The following GSN variants were observed in gnomAD, a reference collection of about 807,000 sequenced individuals.
GSN encodes the protein actin-depolymerizing factor.
GSN carries 56 observed loss-of-function variants against 85.7 expected under a neutral mutation model. The observed-to-expected ratio is 0.65, with a 90% CI of 0.53 to 0.82. The LOEUF is 0.82. GSN is among the 40% of genes least tolerant of loss of function. The probability of loss-of-function intolerance (pLI) is 0.00; values close to 1 mark genes in which losing one functional copy is unlikely to be tolerated. For synonymous variants in GSN, 373 were observed against 399.1 expected, an observed-to-expected ratio of 0.93 and a Z score of 0.78; for missense variants, 857 against 979.8, an observed-to-expected ratio of 0.87 and a Z score of 1.67.
At chr9:121,216,628 C>T (rs941064394) in intron 4 of GSN, among the ~76,000 whole-genome samples, 2 of 152,240 alleles carry the variant, frequency 1.3e-5, no homozygotes, top group African/African-American at 2.4e-5. Flanking sequence ...CTCCTACCCC[C>T]AGGTTCCGTA....
intron 4 of GSN, among the ~76,000 whole-genome samples, chr9:121,224,350 C>T (rs1365136479): frequency 6.6e-6 from 1 of 152,144 alleles, no homozygotes; most frequent in Non-Finnish European, 1.5e-5. Context: ...CTGCCTGCCT[C>T]GGCCTCCCAA....
rs869071386 is a variant in GSN at position 121,228,424 on chromosome 9, ATTTTTTTTT to A, written c.-527-2722_-527-2714del. 2.8e-3 allele frequency among the ~76,000 whole-genome samples: 133 copies of A among 48,092 alleles called. 3 individuals carry two copies. The highest frequency in any genetic ancestry group is 0.01 in the African/African-American group (116 of 11,588). 31.6% of individuals were successfully genotyped at this position (48,092 alleles called of 152,430 possible). On this transcript the variant is annotated intron_variant, in intron 4 of 24. Coordinates refer to the GSN transcript ENST00000373823. ...TTAACATATATATATATATATATAT[ATTTTTTTTT>A]TTTTTTTTTTTTTTTTTTGAGATAG... is the stretch of plus-strand genomic sequence containing the variant.
At chr9:121,301,835 C>T in intron 2 of GSN, 128 bp from the exon 3 acceptor site, 1 of 1,485,706 alleles carries the variant, frequency 6.7e-7, no homozygotes, top group Non-Finnish European at 9.2e-7. Flanking sequence ...ATAGACTTCC[C>T]TGGGGCGTGG....
chr9:121,255,362 TG>T (rs1293875406), intron 6 of GSN, among the ~76,000 whole-genome samples: 1 of 152,170 alleles, frequency 6.6e-6, no homozygotes, highest in African/African-American at 2.4e-5. Context: ...ACCTAGTCCC[TG>T]GGTATCTGGG....
chr9:121,322,945 C>A (rs2062671009), intron 11 of GSN, among the ~76,000 whole-genome samples: 1 of 151,586 alleles, frequency 6.6e-6, no homozygotes, highest in African/African-American at 2.4e-5. Flanking sequence ...AATTATCGTG[C>A]CTCAGCCTCC....
chr9:121,225,931 A>T (rs2132130064), intron 4 of GSN, among the ~76,000 whole-genome samples: 1 of 152,282 alleles, frequency 6.6e-6, no homozygotes, highest in East Asian at 1.9e-4. Context: ...TAGCCTCCCA[A>T]GTAGCTGGGA....
chr9:121,325,318 G>C (rs998301891), intron 12 of GSN, among the ~76,000 whole-genome samples: 2 of 152,230 alleles, frequency 1.3e-5, no homozygotes, highest in African/African-American at 2.4e-5. Context: ...CCTGATGCAC[G>C]TGTAGGAGTT....
At chr9:121,285,992 A>C (rs2058021409) in intron 2 of GSN, 1 of 795,054 alleles carries the variant, frequency 1.3e-6, no homozygotes, top group Admixed American at 2.1e-5. Flanking sequence ...GTTGAGGAGA[A>C]GAACCATTTC....
Position 121,313,980 on chromosome 9 carries a change from C to T in GSN, c.710C>T (p.Ala237Val), listed in dbSNP as rs780252276. 2.5e-5 allele frequency: 40 copies of T among 1,614,196 alleles called. No individual in the cohort carries two copies. The East Asian group carries it at 8.9e-4, about 36-fold the overall frequency. The change falls in exon 7 of 18, where the codon GCC becomes GTC. Residue 237 changes from alanine to valine, a missense_variant. Physicochemically the swap from Ala to Val is moderately conservative, Grantham distance 64 (BLOSUM62 0). Coordinates refer to ENST00000432226, the MANE Select transcript of GSN (RefSeq NM_198252.3). ...CTGCCTGCAGGTACCGAGGACACCG[C>T]CAAGGAGGATGCGGCCAACCGCAAG... is the stretch of plus-strand genomic sequence containing the variant. ...PALPAGTEDT[A>V]KEDAANRKLA...
At chr9:121,250,410 T>C (rs1588480926) in intron 6 of GSN, among the ~76,000 whole-genome samples, 2 of 152,164 alleles carry the variant, frequency 1.3e-5, no homozygotes, top group Admixed American at 6.5e-5. Flanking sequence ...TTCACCATGT[T>C]GGCCAGGCTG....
Position 121,312,330 on chromosome 9 carries a change from G to A in GSN, c.514-9G>A, listed in dbSNP as rs2061245680. ...CGGGGCACTGACTTCCTGGGTCTCT[G>A]TCTTCCAGAACATCCACCAGTGGTG... On this transcript the variant is annotated splice_polypyrimidine_tract_variant and intron_variant, in intron 5 of 17. Transcript: ENST00000432226. The A allele has an allele frequency of 6.2e-7, 1 of 1,614,112 alleles. No individual in the cohort carries two copies. Among genetic ancestry groups the A allele is most frequent in the South Asian group, 1.1e-5 (1 of 91,076 alleles).
At chr9:121,287,703 A>T (rs867420965) in intron 2 of GSN, among the ~76,000 whole-genome samples, 37 of 149,728 alleles carry the variant, frequency 2.5e-4, no homozygotes, top group Admixed American at 7.3e-4. Context: ...TTTTTTTTTT[A>T]AAAACAGCTT....
chr9:121,232,651 A>C (rs2054415450), intron 5 of GSN, among the ~76,000 whole-genome samples: 1 of 152,266 alleles, frequency 6.6e-6, no homozygotes, highest in Non-Finnish European at 1.5e-5. Flanking sequence ...AATATTGTAC[A>C]GCAGATCTAT....
At chr9:121,263,257 G>A (rs180938179), upstream of GSN, among the ~76,000 whole-genome samples, 9 of 152,292 alleles carry the variant, frequency 5.9e-5, no homozygotes, top group East Asian at 1.7e-3. Flanking sequence ...GGAGTTGCGA[G>A]TAGAAATGCA....
At chr9:121,298,268 G>A (rs1208688596) in intron 2 of GSN, among the ~76,000 whole-genome samples, 1 of 152,140 alleles carries the variant, frequency 6.6e-6, no homozygotes, top group Middle Eastern at 3.2e-3. Flanking sequence ...TTGCCTATGC[G>A]TCCCCTCCCC....
At chr9:121,209,991 C>T (rs911052453) in intron 2 of GSN, among the ~76,000 whole-genome samples, 2 of 152,164 alleles carry the variant, frequency 1.3e-5, no homozygotes, top group Non-Finnish European at 2.9e-5. Context: ...CACACATACA[C>T]GCACGCATAC....
intron 5 of GSN, among the ~76,000 whole-genome samples, chr9:121,232,027 A>G (rs2132157175): frequency 6.6e-6 from 1 of 152,326 alleles, no homozygotes; most frequent in South Asian, 2.1e-4. Flanking sequence ...AGATTATGCC[A>G]CTGCACTCCA....
In GSN at chr9:121,332,295, CAGGGCAGGGGG is replaced by C. The variant is rs1438289757; in HGVS notation, c.2027-138_2027-128del. 1.2e-6 allele frequency: 1 copy of C among 817,452 alleles called. No homozygotes were observed. The highest frequency in any genetic ancestry group is 1.7e-5 in the African/African-American group (1 of 59,752). The allele number at this position is 817,452 out of a possible 1,614,324, so 50.6% of individuals were successfully genotyped here. ...CATGCCTTTAAAGGAGGATGGTGCC[CAGGGCAGGGGG>C]TGGGCAGTAGGGACAGTAGGACCAT... On this transcript the variant is annotated intron_variant, in intron 17 of 17. Coordinates refer to ENST00000432226, the MANE Select transcript of GSN (RefSeq NM_198252.3). This position sits in a 1 kb window ranked among gnomAD's most constrained non-coding sequence, Gnocchi z 4.8.
At chr9:121,312,240 G>T in intron 5 of GSN, 99 bp from the exon 6 acceptor site, 2 of 1,304,016 alleles carry the variant, frequency 1.5e-6, no homozygotes, top group Non-Finnish European at 2.2e-6. Context: ...TGCAGAACAG[G>T]GTGAGCCTGC....
Sources: gnomAD v4.1 joint callset for allele counts (sites outside exome capture counted in the v4.1 genomes callset) on GRCh38, gnomAD v4.1.1 for gene constraint, Gnocchi (gnomAD v3.1) non-coding constraint, MANE v1.5 for transcripts, NCBI Gene and HGNC (gene_info 2026-07-23, HGNC 2026-07-21) for gene names.